Variants in RGS13 observed in about 807,000 individuals in gnomAD.
RGS13 encodes regulator of G-protein signalling 13.
In RGS13, 14 loss-of-function variants were observed where a neutral mutation model predicts 19.9. The observed-to-expected ratio is 0.70, with a 90% CI of 0.46 to 1.10. The LOEUF (loss-of-function observed/expected upper bound fraction) is 1.10, where lower values mean the gene tolerates loss of function less well. RGS13 is among the 50% of genes least tolerant of loss of function. The pLI, the probability that RGS13 is intolerant of heterozygous loss-of-function variation, is 0.00. For synonymous variants in RGS13, 60 were observed against 56.8 expected, an observed-to-expected ratio of 1.06 and a Z score of -0.25; for missense variants, 205 against 187.1, an observed-to-expected ratio of 1.10 and a Z score of -0.56.
chr1:192,654,153 A>C (rs1251234790), intron 5 of RGS13, among the ~76,000 whole-genome samples: 3 of 151,770 alleles, frequency 2.0e-5, no homozygotes. Flanking sequence ...AGTATTTCTC[A>C]ATAATTTTTA....
intron 5 of RGS13, among the ~76,000 whole-genome samples, chr1:192,655,812 A>G (rs1396825199): frequency 2.0e-5 from 3 of 152,104 alleles, no homozygotes; most frequent in African/African-American, 7.2e-5. Context: ...CTGGATCTAT[A>G]ATATGTGTAT....
In RGS13 at chr1:192,643,581, T is replaced by C. The variant is rs118103493; in HGVS notation, c.-4-750T>C. Among the ~76,000 whole-genome samples the C allele has an allele frequency of 1.4e-3, 220 of 152,314 alleles. 2 individuals are homozygous for C. In the East Asian group the frequency reaches 0.017, roughly 12 times the overall value. On this transcript the variant is annotated intron_variant, in intron 3 of 6. Transcript: ENST00000391995. ...CACTCAGAAGGTGCTTTATTTTTTA[T>C]TTGGCTATTTACACTATTTTACTTG...
chr1:192,658,514 A>G (rs1457341900), intron 6 of RGS13, 147 bp downstream of exon 6: 1 of 664,276 alleles, frequency 1.5e-6, no homozygotes, highest in Non-Finnish European at 2.4e-6. Flanking sequence ...TATTTTACAG[A>G]TAAGAAACCT....
intron 3 of RGS13, among the ~76,000 whole-genome samples, chr1:192,642,168 C>T (rs12123475): frequency 0.37 from 56,374 of 152,044 alleles, 12,274 homozygotes; most frequent in East Asian, 0.6. Flanking sequence ...TCAACGTGCT[C>T]GGCCTCTGCC....
rs6704230 is a variant in RGS13, at chr1:192,659,935, C to A, written c.*412C>A. The stretch of plus-strand genomic sequence containing the variant: ...ATGTTCTATAGAGTACTCTAAATAA[C>A]TTGAATTTATAGACAAATGCTACTC... On this transcript the variant is annotated 3_prime_UTR_variant, in exon 7 of 7. Coordinates refer to ENST00000391995, the MANE Select transcript of RGS13 (RefSeq NM_002927.5). 0.025 allele frequency: 3,897 copies of A among 155,306 alleles called. 72 individuals are homozygous for A. The highest frequency in any genetic ancestry group is 0.038 in the Admixed American group (580 of 15,396). The allele number at this position is 155,306 out of a possible 1,614,324, so 9.6% of individuals were successfully genotyped here. A position where few individuals can be genotyped will look rare whatever the true frequency, so the allele number is the denominator to read the frequency against.
In RGS13 at chr1:192,648,027, G is replaced by A. The variant is rs377316207; in HGVS notation, c.127+40G>A. 4.2e-6 allele frequency: 6 copies of A among 1,424,888 alleles called. No homozygotes were observed. In the African/African-American group the frequency reaches 4.3e-5, roughly 10 times the overall value. 88.3% of individuals were successfully genotyped at this position (1,424,888 alleles called of 1,614,324 possible). On this transcript the variant is annotated intron_variant, in intron 5 of 6. Transcript: ENST00000391995. ...TCTGTCATCTTTGAATAACTAGCGAGTTCCATTCTTAGAGGTAAAGGTGGG... is the reference window on the plus strand; with the variant it reads ...TCTGTCATCTTTGAATAACTAGCGAATTCCATTCTTAGAGGTAAAGGTGGG...
chr1:192,654,289 T>C (rs893704499), intron 5 of RGS13, among the ~76,000 whole-genome samples: 1 of 151,574 alleles, frequency 6.6e-6, no homozygotes, highest in Non-Finnish European at 1.5e-5. Context: ...GACAACAATA[T>C]ATTTACACAT....
At chr1:192,645,894 C>T (rs1372765425) in intron 4 of RGS13, 1 of 152,156 alleles carries the variant, frequency 6.6e-6, no homozygotes, top group East Asian at 1.9e-4. Flanking sequence ...ATCATCGACA[C>T]TTAATTTTAA....
At chr1:192,643,411 T>G (rs1331896474) in intron 3 of RGS13, among the ~76,000 whole-genome samples, 2 of 151,938 alleles carry the variant, frequency 1.3e-5, no homozygotes, top group African/African-American at 2.4e-5. Context: ...TGTTAGTTGT[T>G]TTTTTAAAGT....
chr1:192,656,345 G>GT (rs10544389), intron 5 of RGS13, among the ~76,000 whole-genome samples: 1,737 of 140,876 alleles, frequency 0.012, 8 homozygotes, highest in African/African-American at 0.018. Flanking sequence ...TTAACATTCT[G>GT]TTTTTTTTTT....
chr1:192,651,019 G>T (rs1244396482), intron 5 of RGS13, among the ~76,000 whole-genome samples: 1 of 152,040 alleles, frequency 6.6e-6, no homozygotes, highest in African/African-American at 2.4e-5. Context: ...AGGGCTGTGA[G>T]ACCACTGAGA....
chr1:192,647,870 C>A, intron 4 of RGS13, 56 bp from the exon 5 acceptor site: 3 of 1,173,708 alleles, frequency 2.6e-6, no homozygotes, highest in South Asian at 1.7e-5. Context: ...TTACTTAGTT[C>A]AACAAAAACC....
In RGS13 at chr1:192,647,927, C is replaced by A; in HGVS notation, c.67C>A (p.Leu23Ile). 1 of 1,588,620 alleles carries A rather than the reference C, an allele frequency of 6.3e-7. No individual in the cohort carries two copies. Among genetic ancestry groups the A allele is most frequent in the Non-Finnish European group, 8.6e-7 (1 of 1,166,452 alleles). Residue 23 changes from leucine (L) to isoleucine (I), a missense_variant and splice_region_variant, in exon 5 of 7, where the codon CTT becomes ATT. Leu to Ile is a conservative substitution (Grantham distance 5). Coordinates refer to ENST00000391995, the MANE Select transcript of RGS13 (RefSeq NM_002927.5). ...AGTGCTTTTTGTTTCTTTTCAAAGC[C>A]TTACTTTGGAGGAAGTATTACAGTG... is the stretch of plus-strand genomic sequence containing the variant. ...RDESKRPPSNLTLEEVLQWAQ... is the reference protein window; with the variant it reads ...RDESKRPPSNITLEEVLQWAQ...
chr1:192,639,244 A>G (rs986123724), intron 3 of RGS13, among the ~76,000 whole-genome samples: 6 of 152,112 alleles, frequency 3.9e-5, no homozygotes, highest in Non-Finnish European at 7.4e-5. Context: ...AGGCATCTCC[A>G]TAGAGAGAAC....
At chr1:192,649,451 C>T (rs945288886) in intron 5 of RGS13, among the ~76,000 whole-genome samples, 24 of 152,074 alleles carry the variant, frequency 1.6e-4, no homozygotes, top group African/African-American at 4.3e-4. Flanking sequence ...GTTTATTGTG[C>T]AGGTGAGATA....
intron 4 of RGS13, chr1:192,646,370 C>T (rs1037734994): frequency 6.6e-6 from 1 of 152,074 alleles, no homozygotes; most frequent in Non-Finnish European, 1.5e-5. Context: ...TTAGGTATAG[C>T]CAATGGACAG....
chr1:192,644,958 C>T (rs1411557067), intron 4 of RGS13: 1 of 152,600 alleles, frequency 6.6e-6, no homozygotes, highest in Non-Finnish European at 1.5e-5. Context: ...GTTAGATTAA[C>T]CATGAGTGCC....
At chr1:192,641,203 G>GGAAA (rs146449985) in intron 3 of RGS13, among the ~76,000 whole-genome samples, 2 of 96,038 alleles carry the variant, frequency 2.1e-5, no homozygotes, top group African/African-American at 4.2e-5. Flanking sequence ...AAAGAAAAAA[G>GGAAA]GAAAGAAAGA....
chr1:192,654,746 C>T (rs994562393), intron 5 of RGS13, among the ~76,000 whole-genome samples: 1 of 152,034 alleles, frequency 6.6e-6, no homozygotes, highest in Non-Finnish European at 1.5e-5. Context: ...CCACATTTCC[C>T]TTCTGCATCA....
Sources: gnomAD v4.1 joint callset for allele counts (sites outside exome capture counted in the v4.1 genomes callset) on GRCh38, gnomAD v4.1.1 for gene constraint, MANE v1.5 for transcripts, NCBI Gene and HGNC (gene_info 2026-07-23, HGNC 2026-07-21) for gene names.